The following ITGB1BP1 variants were observed in gnomAD, a reference collection of about 807,000 sequenced individuals.
ITGB1BP1 encodes integrin beta-1-binding protein 1.
In ITGB1BP1, 20 loss-of-function variants were observed where a neutral mutation model predicts 28.0. The ratio of observed to expected loss-of-function variants is 0.71; its 90% CI spans 0.50 to 1.04. ITGB1BP1 has a LOEUF of 1.04. ITGB1BP1 is among the 50% of genes least tolerant of loss of function. ITGB1BP1 has a pLI of 0.00. For synonymous variants in ITGB1BP1, 103 were observed against 89.5 expected, an observed-to-expected ratio of 1.15 and a Z score of -0.85; for missense variants, 228 against 242.5, an observed-to-expected ratio of 0.94 and a Z score of 0.40.
intron 6 of ITGB1BP1, 198 bp downstream of exon 6, chr2:9,407,251 G>A: frequency 1.6e-6 from 1 of 625,298 alleles, no homozygotes; most frequent in South Asian, 2.0e-5. Flanking sequence ...AGCGAGTGCT[G>A]CCACTGGCCC....
chr2:9,412,655 C>T lies in ITGB1BP1; in HGVS notation c.152-250G>A, dbSNP rs546676312. 2.2e-4 allele frequency: 70 copies of T among 318,470 alleles called. 1 individual carries two copies. Among genetic ancestry groups the T allele is most frequent in the Admixed American group, 9.1e-4 (19 of 20,788 alleles). The allele number at this position is 318,470 out of a possible 1,614,324, so 19.7% of individuals were successfully genotyped here. On this transcript the variant is annotated intron_variant, in intron 3 of 6. Transcript: ENST00000355346. ...AATAGGAATAAATATATTAACCTTC[C>T]CTTCAAAACAAACAGTAAAGAAAAG...
rs905736049 is a variant in ITGB1BP1 at position 9,415,840 on chromosome 2, G to A, written c.73-1584C>T. Among the ~76,000 whole-genome samples, 2 of 152,244 alleles carry A rather than the reference G, an allele frequency of 1.3e-5. No individual in the cohort carries two copies. Among genetic ancestry groups the A allele is most frequent in the African/African-American group, 4.8e-5 (2 of 41,466 alleles). On this transcript the variant is annotated intron_variant, in intron 2 of 6. Coordinates refer to ENST00000355346, the MANE Select transcript of ITGB1BP1 (RefSeq NM_004763.5). The surrounding 1 kb of genome is among the most constrained non-coding windows in gnomAD (Gnocchi z 4.1). ...GCTTACCCTGCCCTGACTGGAAACT[G>A]AGTGGCAGTCGTGTGTCTTTGTCTC...
At chr2:9,412,064 G>GTACCGTGT (rs1678490002) in intron 4 of ITGB1BP1, 1 of 348,824 alleles carries the variant, frequency 2.9e-6, no homozygotes, top group African/African-American at 2.4e-5. Context: ...AAAAAAAAAA[G>GTACCGTGT]TACCGTGTTT....
chr2:9,413,287 A>C (rs1382310553), intron 3 of ITGB1BP1, among the ~76,000 whole-genome samples: 1 of 152,174 alleles, frequency 6.6e-6, no homozygotes, highest in African/African-American at 2.4e-5. Flanking sequence ...GTTAGCCGCC[A>C]GCTACTTAGG....
At chr2:9,414,028 A>T in intron 3 of ITGB1BP1, 150 bp downstream of exon 3, 1 of 702,496 alleles carries the variant, frequency 1.4e-6, no homozygotes, top group East Asian at 2.5e-5. Context: ...CGTCCCGCCA[A>T]ATCTTGGTCC....
At chr2:9,412,508 A>T in intron 3 of ITGB1BP1, 103 bp from the exon 4 acceptor site, 1 of 898,822 alleles carries the variant, frequency 1.1e-6, no homozygotes, top group Non-Finnish European at 1.7e-6. Flanking sequence ...TTAGAACATA[A>T]CCACTAATTA....
At chr2:9,423,334 C>A in intron 1 of ITGB1BP1, 39 bp downstream of exon 1, 1 of 1,217,818 alleles carries the variant, frequency 8.2e-7, no homozygotes, top group Non-Finnish European at 1.0e-6. Flanking sequence ...CAGGCCTCCG[C>A]GAGCTCGGCC....
In ITGB1BP1 at chr2:9,406,173, GTCTTCCTCA is replaced by G. The variant is rs1365839181; in HGVS notation, c.*652_*660del. On this transcript the variant is annotated 3_prime_UTR_variant, in exon 7 of 7. Transcript: ENST00000355346. The stretch of plus-strand genomic sequence containing the variant: ...ACTGAGTGGACCTCTGTGACATCTA[GTCTTCCTCA>G]GGCCTTCAGTGTGTGTTTGTCACTG... 6 of 2,972 alleles carry G rather than the reference GTCTTCCTCA, an allele frequency of 2.0e-3. No homozygotes were observed. The highest frequency in any genetic ancestry group is 7.5e-3 in the East Asian group (1 of 134). The allele number at this position is 2,972 out of a possible 1,614,324, so 0.2% of individuals were successfully genotyped here. A position where few individuals can be genotyped will look rare whatever the true frequency, so the allele number is the denominator to read the frequency against.
intron 4 of ITGB1BP1, 185 bp downstream of exon 4, chr2:9,412,084 A>G: frequency 1.8e-6 from 1 of 550,062 alleles, no homozygotes; most frequent in Non-Finnish European, 3.2e-6. Context: ...TGAAGGGAGG[A>G]ACAGCGCCTG....
chr2:9,412,470 C>A, intron 3 of ITGB1BP1, 65 bp from the exon 4 acceptor site: 2 of 1,347,388 alleles, frequency 1.5e-6, no homozygotes, highest in South Asian at 1.4e-5. Flanking sequence ...TATCCTCAGT[C>A]CCTTCCCAAA....
Position 9,405,887 on chromosome 2 carries a change from A to AGTT in ITGB1BP1, c.*944_*946dup, listed in dbSNP as rs1475510725. ...CTGAAAATCTGCTTTGTGTGTCTTAAGTTGGCAATGTCACTGTTCCAGACC... is the reference window on the plus strand; with the variant it reads ...CTGAAAATCTGCTTTGTGTGTCTTAAGTTGTTGGCAATGTCACTGTTCCAGACC... On this transcript the variant is annotated 3_prime_UTR_variant, in exon 7 of 7. Coordinates refer to ENST00000355346, the MANE Select transcript of ITGB1BP1 (RefSeq NM_004763.5). 1 of 152,200 alleles carries AGTT rather than the reference A, an allele frequency of 6.6e-6. No individual in the cohort carries two copies. The highest frequency in any genetic ancestry group is 1.9e-4 in the East Asian group (1 of 5,202). 9.4% of individuals were successfully genotyped at this position (152,200 alleles called of 1,614,324 possible). A position where few individuals can be genotyped will look rare whatever the true frequency, so the allele number is the denominator to read the frequency against.
rs1384784188 is a variant in ITGB1BP1 at position 9,423,452 on chromosome 2, C to T, written c.-115G>A. ...GCCGCGGCCTTTGGCGCCCAGGCAG[C>T]TACTCCCGTTCCCGCTCCAGCGCCG... On this transcript the variant is annotated 5_prime_UTR_variant, in exon 1 of 7. Transcript: ENST00000355346. 11 of 1,164,896 alleles carry T rather than the reference C, an allele frequency of 9.4e-6. No individual in the cohort carries two copies. Among genetic ancestry groups the T allele is most frequent in the Middle Eastern group, 3.2e-4 (1 of 3,086 alleles). The allele number at this position is 1,164,896 out of a possible 1,614,324, so 72.2% of individuals were successfully genotyped here.
rs1015740113 is a variant in ITGB1BP1 at position 9,415,558 on chromosome 2, C to T, written c.73-1302G>A. 2.0e-5 allele frequency among the ~76,000 whole-genome samples: 3 copies of T among 152,098 alleles called. No individual in the cohort carries two copies. Among genetic ancestry groups the T allele is most frequent in the African/African-American group, 4.8e-5 (2 of 41,424 alleles). ...TCACACCACTGCACTCCAGCCTGGG[C>T]GACAGAGTGAGGCTCCGTCTCCAAA... is the stretch of plus-strand genomic sequence containing the variant. On this transcript the variant is annotated intron_variant, in intron 2 of 6. Coordinates refer to ENST00000355346, the MANE Select transcript of ITGB1BP1 (RefSeq NM_004763.5). The surrounding 1 kb of genome is among the most constrained non-coding windows in gnomAD (Gnocchi z 4.1).
At position 9,415,574 on chromosome 2, in the gene ITGB1BP1, C is replaced by T. The variant is rs115750995; in HGVS notation, c.73-1318G>A. ...CAGCCTGGGCGACAGAGTGAGGCTCCGTCTCCAAAAATAAAAATAAAACAA... is the reference window on the plus strand; with the variant it reads ...CAGCCTGGGCGACAGAGTGAGGCTCTGTCTCCAAAAATAAAAATAAAACAA... On this transcript the variant is annotated intron_variant, in intron 2 of 6. Coordinates refer to ENST00000355346, the MANE Select transcript of ITGB1BP1 (RefSeq NM_004763.5). This position sits in a 1 kb window ranked among gnomAD's most constrained non-coding sequence, Gnocchi z 4.1. Among the ~76,000 whole-genome samples the T allele has an allele frequency of 0.011, 1,609 of 152,230 alleles. 13 individuals carry two copies. The highest frequency in any genetic ancestry group is 0.014 in the Non-Finnish European group (971 of 68,024).
chr2:9,420,985 G>C (rs1198672771), intron 1 of ITGB1BP1, among the ~76,000 whole-genome samples: 1 of 152,216 alleles, frequency 6.6e-6, no homozygotes, highest in African/African-American at 2.4e-5. Flanking sequence ...ACTTGTCAGT[G>C]AGAGATGGCA....
In ITGB1BP1 at chr2:9,415,925, G is replaced by A. The variant is rs1454428469; in HGVS notation, c.73-1669C>T. Reference sequence around the variant, plus strand: ...ATGTGGCACATGGGAGGCCCGGCAGGCACCCGGGATGAAAGGTCTAGGGAG... The same window carrying A: ...ATGTGGCACATGGGAGGCCCGGCAGACACCCGGGATGAAAGGTCTAGGGAG... On this transcript the variant is annotated intron_variant, in intron 2 of 6. Coordinates refer to ENST00000355346, the MANE Select transcript of ITGB1BP1 (RefSeq NM_004763.5). This position sits in a 1 kb window ranked among gnomAD's most constrained non-coding sequence, Gnocchi z 4.1. 6.6e-6 allele frequency among the ~76,000 whole-genome samples: 1 copy of A among 152,208 alleles called. No homozygotes were observed. The highest frequency in any genetic ancestry group is 1.9e-4 in the East Asian group (1 of 5,188).
In ITGB1BP1 at chr2:9,415,992, C is replaced by T. The variant is rs139927106; in HGVS notation, c.73-1736G>A. ...CCTTGTGCGACCCTGCGAGACGCCT[C>T]CTTCTGTGCTGTGCCTCACCCCGGT... On this transcript the variant is annotated intron_variant, in intron 2 of 6. Transcript: ENST00000355346. This position sits in a 1 kb window ranked among gnomAD's most constrained non-coding sequence, Gnocchi z 4.1. 1.8e-3 allele frequency among the ~76,000 whole-genome samples: 274 copies of T among 152,330 alleles called. 1 individual carries two copies. Among genetic ancestry groups the T allele is most frequent in the African/African-American group, 6.3e-3 (264 of 41,580 alleles).
chr2:9,408,528 T>TG (rs1196652367), intron 4 of ITGB1BP1: 2 of 211,640 alleles, frequency 9.5e-6, no homozygotes, highest in African/African-American at 4.7e-5. Flanking sequence ...TTAGTACAGA[T>TG]GGGGTTTCAT....
At chr2:9,418,547 G>T in intron 2 of ITGB1BP1, 79 bp downstream of exon 2, 1 of 973,320 alleles carries the variant, frequency 1.0e-6, no homozygotes, top group Non-Finnish European at 1.7e-6. Context: ...CCCACGGTCA[G>T]TATCCTCCAT....
Sources: allele counts gnomAD v4.1 joint callset (sites outside exome capture counted in the v4.1 genomes callset), GRCh38; gene constraint gnomAD v4.1.1; non-coding constraint Gnocchi (gnomAD v3.1); transcripts MANE v1.5; gene names NCBI Gene and HGNC (gene_info 2026-07-23, HGNC 2026-07-21).